The following DLEC1 variants were observed in gnomAD, a reference collection of about 807,000 sequenced individuals.
DLEC1 encodes the protein deleted in lung and esophageal cancer protein 1.
A neutral mutation model predicts 198.1 loss-of-function variants in DLEC1; 146 were observed. That is an observed-to-expected ratio of 0.74 (90% CI 0.64 to 0.85). The LOEUF is 0.85. Among genes scored for constraint, DLEC1 ranks in the 40% least tolerant of loss-of-function variants. DLEC1 has a pLI of 0.00. For synonymous variants in DLEC1, 897 were observed against 866.8 expected (o/e 1.03, Z -0.61); for missense variants, 2,233 against 2,220.0 (o/e 1.01, Z -0.12).
intron 1 of DLEC1, among the ~76,000 whole-genome samples, chr3:38,040,445 C>G (rs920401358): frequency 6.6e-6 from 1 of 152,218 alleles, no homozygotes; most frequent in African/African-American, 2.4e-5. Context: ...AGCTTTCAAC[C>G]TAACTGAGGT....
Position 38,097,895 on chromosome 3 carries a change from C to G in DLEC1, c.2717C>G (p.Pro906Arg), listed in dbSNP as rs535023203. The G allele has an allele frequency of 2.5e-5, 40 of 1,614,204 alleles. No homozygotes were observed. In the East Asian group the frequency reaches 8.7e-4, roughly 35 times the overall value. The change falls in exon 18 of 37, where the codon CCT (proline) becomes CGT (arginine). Residue 906 changes from proline to arginine, a missense_variant. By Grantham distance (103) the Pro-to-Arg change is moderately radical. Coordinates refer to ENST00000308059, the MANE Select transcript of DLEC1 (RefSeq NM_007335.4). ...KESPVSLQER[P>R]EDVSPFDIEP... ...AGCCCAGTCTCCCTCCAGGAAAGGC[C>G]TGAGGATGTAAGTCAGGCACTGCTG...
chr3:38,120,637 A>C lies in DLEC1; in HGVS notation c.4866+28A>C, dbSNP rs753760358. 60 of 1,611,718 alleles carry C rather than the reference A, an allele frequency of 3.7e-5. No homozygotes were observed. In the South Asian group the frequency reaches 6.0e-4, roughly 16 times the overall value. Reference sequence around the variant, plus strand: ...ACGCCCCAGGCCCACCTACATGTGGAGGAGGGTGGAAGTGGGCTGGGCTGT... The same window carrying C: ...ACGCCCCAGGCCCACCTACATGTGGCGGAGGGTGGAAGTGGGCTGGGCTGT... On this transcript the variant is annotated intron_variant, in intron 34 of 36. Transcript: ENST00000308059.
At chr3:38,050,406 A>C (rs1022269114) in intron 2 of DLEC1, among the ~76,000 whole-genome samples, 1 of 152,200 alleles carries the variant, frequency 6.6e-6, no homozygotes. Flanking sequence ...TAATTTATAA[A>C]GAAAAGAGAT....
At chr3:38,090,502 C>A (rs925417469) in intron 10 of DLEC1, among the ~76,000 whole-genome samples, 1 of 152,276 alleles carries the variant, frequency 6.6e-6, no homozygotes, top group African/African-American at 2.4e-5. Context: ...TGTGAATGGA[C>A]CATAATTTAG....
At chr3:38,102,763 CAG>C (rs1327009076) in intron 19 of DLEC1, among the ~76,000 whole-genome samples, 4 of 152,202 alleles carry the variant, frequency 2.6e-5, no homozygotes, top group African/African-American at 9.7e-5. Flanking sequence ...CCTAAACAAA[CAG>C]TGGAGAAAAC....
chr3:38,041,200 C>T (rs1008289953), intron 1 of DLEC1, among the ~76,000 whole-genome samples: 6 of 152,152 alleles, frequency 3.9e-5, no homozygotes, highest in South Asian at 2.1e-4. Flanking sequence ...GACAGGGTTT[C>T]ACTGTGTTAG....
At position 38,122,917 on chromosome 3, in the gene DLEC1, T is replaced by C. The variant is rs1210624979; in HGVS notation, c.*505T>C. 2 of 952,208 alleles carry C rather than the reference T, an allele frequency of 2.1e-6. No individual in the cohort carries two copies. The highest frequency in any genetic ancestry group is 3.2e-6 in the Non-Finnish European group (2 of 626,798). The allele number at this position is 952,208 out of a possible 1,614,324, so 59.0% of individuals were successfully genotyped here. Reference sequence around the variant, plus strand: ...TTCACATTTTCCAAATGAGTTGAAGTGCCTTGATCTGTCCACTGCCACCAC... The same window carrying C: ...TTCACATTTTCCAAATGAGTTGAAGCGCCTTGATCTGTCCACTGCCACCAC... On this transcript the variant is annotated 3_prime_UTR_variant, in exon 37 of 37. Coordinates refer to ENST00000308059, the MANE Select transcript of DLEC1 (RefSeq NM_007335.4).
intron 19 of DLEC1, among the ~76,000 whole-genome samples, chr3:38,101,018 T>C (rs202175): frequency 1 from 152,229 of 152,302 alleles, 76,078 homozygotes; most frequent in Non-Finnish European, 1. Flanking sequence ...AAACTTCTCA[T>C]ATATATAAAA....
chr3:38,120,363 G>A lies in DLEC1; in HGVS notation c.4705-85G>A. 2.0e-6 allele frequency: 3 copies of A among 1,520,310 alleles called. No individual in the cohort carries two copies. The Admixed American group carries it at 5.1e-5, about 26-fold the overall frequency. The allele number at this position is 1,520,310 out of a possible 1,614,324, so 94.2% of individuals were successfully genotyped here. ...GTTGGCTGGGCAAGGCTGGGCCTGG[G>A]AGGAAAGGAGGATGGAGCTCCAGGT... On this transcript the variant is annotated intron_variant, in intron 33 of 36. Coordinates refer to ENST00000308059, the MANE Select transcript of DLEC1 (RefSeq NM_007335.4).
At chr3:38,114,286 G>A (rs1700036848) in intron 25 of DLEC1, 56 bp from the exon 26 acceptor site, 2 of 1,571,962 alleles carry the variant, frequency 1.3e-6, no homozygotes, top group Non-Finnish European at 1.8e-6. Context: ...CTTGCCCAGA[G>A]GGGATGTGGT....
chr3:38,053,079 C>T (rs1055563928), intron 2 of DLEC1, among the ~76,000 whole-genome samples: 6 of 152,360 alleles, frequency 3.9e-5, no homozygotes, highest in Middle Eastern at 3.4e-3. Flanking sequence ...GACGGAGTCT[C>T]GTTCACTCAG....
intron 1 of DLEC1, among the ~76,000 whole-genome samples, chr3:38,042,320 C>G (rs1055041450): frequency 4.1e-4 from 63 of 151,966 alleles, no homozygotes; most frequent in African/African-American, 1.4e-3. Context: ...GCAAAAAAGC[C>G]ATAGAACAAT....
rs762843655 is a variant in DLEC1 at position 38,110,079 on chromosome 3, G to A, written c.3261-20G>A. ...GTGGTGTGTTACATAGTACCAATGG[G>A]CACAGGACAGTGTTTTCAGCACAGA... On this transcript the variant is annotated intron_variant, in intron 22 of 36. Transcript: ENST00000308059. 5.0e-6 allele frequency: 8 copies of A among 1,612,460 alleles called. No homozygotes were observed. Among genetic ancestry groups the A allele is most frequent in the African/African-American group, 4.0e-5 (3 of 74,914 alleles).
intron 15 of DLEC1, among the ~76,000 whole-genome samples, 158 bp from the exon 16 acceptor site, chr3:38,097,024 C>G (rs1699058597): frequency 6.6e-6 from 1 of 152,052 alleles, no homozygotes; most frequent in African/African-American, 2.4e-5. Flanking sequence ...AGGGAGGGTG[C>G]TTTTGGGTTG....
chr3:38,061,608 C>T (rs1055952158), intron 3 of DLEC1, among the ~76,000 whole-genome samples: 2 of 152,300 alleles, frequency 1.3e-5, no homozygotes, highest in South Asian at 2.1e-4. Context: ...CAGTGGTCTA[C>T]TCATGTTCTT....
At chr3:38,098,006 G>T in intron 18 of DLEC1, 104 bp downstream of exon 18, 1 of 1,456,654 alleles carries the variant, frequency 6.9e-7, no homozygotes, top group South Asian at 1.3e-5. Flanking sequence ...CTTCGAGGCT[G>T]GTGGAGGAAA....
rs1233501389 is a variant in DLEC1 at position 38,123,696 on chromosome 3, G to GATTT, written c.*1286_*1289dup. On this transcript the variant is annotated 3_prime_UTR_variant, in exon 37 of 37. Transcript: ENST00000308059. ...TAGAAAAAAACTTTTTTAAAAGATT[G>GATTT]ATTTAAAAGATATTTACATTTTTAG... The GATTT allele has an allele frequency of 6.6e-6, 1 of 152,402 alleles. No homozygotes were observed. The highest frequency in any genetic ancestry group is 6.5e-5 in the Admixed American group (1 of 15,288). 9.4% of individuals were successfully genotyped at this position (152,402 alleles called of 1,614,324 possible).
intron 6 of DLEC1, among the ~76,000 whole-genome samples, chr3:38,065,791 G>T (rs541941829): frequency 5.3e-5 from 8 of 152,116 alleles, no homozygotes; most frequent in African/African-American, 1.9e-4. Flanking sequence ...TTTATATTTG[G>T]TTTCTTTGCA....
intron 7 of DLEC1, 145 bp downstream of exon 7, chr3:38,084,390 G>A (rs1698258746): frequency 2.7e-6 from 1 of 372,044 alleles, no homozygotes; most frequent in Non-Finnish European, 4.2e-6. Context: ...GGTAGTAGTG[G>A]TAGTAGTAGT....
Sources: allele counts gnomAD v4.1 joint callset (sites outside exome capture counted in the v4.1 genomes callset), GRCh38; gene constraint gnomAD v4.1.1; transcripts MANE v1.5; gene names NCBI Gene and HGNC (gene_info 2026-07-23, HGNC 2026-07-21).